STRIP1: variants seen among roughly 807,000 people sequenced by gnomAD.
The protein encoded by STRIP1 is striatin interacting protein 1.
Under a neutral mutation model 106.2 loss-of-function variants are expected in STRIP1, and 63 were observed. The ratio of observed to expected loss-of-function variants is 0.59; its 90% CI spans 0.48 to 0.73. The LOEUF is 0.73. Ranked by LOEUF, STRIP1 falls within the 30% of genes least tolerant of loss-of-function variation. The probability of loss-of-function intolerance (pLI) is 0.00; values close to 1 mark genes in which losing one functional copy is unlikely to be tolerated. For synonymous variants in STRIP1, 390 were observed against 413.0 expected (o/e 0.94, Z 0.67); for missense variants, 857 against 1,074.8 (o/e 0.80, Z 2.83).
At position 110,054,148 on chromosome 1, in the gene STRIP1, C is replaced by T. The variant is rs932008987; in HGVS notation, c.*236C>T. 1.9e-6 allele frequency: 1 copy of T among 534,910 alleles called. No homozygotes were observed. Among genetic ancestry groups the T allele is most frequent in the Non-Finnish European group, 3.4e-6 (1 of 297,482 alleles). 33.1% of individuals were successfully genotyped at this position (534,910 alleles called of 1,614,324 possible). On this transcript the variant is annotated 3_prime_UTR_variant, in exon 21 of 21. Coordinates refer to ENST00000369795, the MANE Select transcript of STRIP1 (RefSeq NM_033088.4). ...GAGATCCATTCTTCCTTTACTTCCC[C>T]CACCCTCCTCTCTTGGATATGGTTG... is the stretch of plus-strand genomic sequence containing the variant.
At position 110,047,879 on chromosome 1, in the gene STRIP1, A is replaced by G. The variant is rs1317556561; in HGVS notation, c.1661+10A>G. ...TGCCTGAGGAGATGCCGTGAGTATC[A>G]TTCTGTGAATGAAGCAGGTGGGGCA... On this transcript the variant is annotated intron_variant, in intron 15 of 20. Coordinates refer to ENST00000369795, the MANE Select transcript of STRIP1 (RefSeq NM_033088.4). 3 of 1,549,868 alleles carry G rather than the reference A, an allele frequency of 1.9e-6. No homozygotes were observed. The highest frequency in any genetic ancestry group is 1.7e-6 in the Non-Finnish European group (2 of 1,143,868).
At chr1:110,041,460 A>G (rs181232334) in intron 6 of STRIP1, 76 bp from the exon 7 acceptor site, 616 of 995,804 alleles carry the variant, frequency 6.2e-4, no homozygotes, top group Non-Finnish European at 8.2e-4. Context: ...TGCTTTGTGT[A>G]AGCACTTTGT....
chr1:110,036,974 C>T (rs1228123266), intron 1 of STRIP1, among the ~76,000 whole-genome samples: 1 of 152,032 alleles, frequency 6.6e-6, no homozygotes, highest in Non-Finnish European at 1.5e-5. Context: ...CAGGCACGCC[C>T]CACCATGTAA....
chr1:110,034,501 T>G, upstream of STRIP1: 2 of 975,626 alleles, frequency 2.0e-6, no homozygotes, highest in Non-Finnish European at 2.8e-6. Flanking sequence ...TCGCGAGGTA[T>G]TGGTCAGCCA....
chr1:110,041,853 A>G lies in STRIP1; in HGVS notation c.877A>G (p.Thr293Ala). The change falls in exon 8 of 21, where the codon ACA becomes GCA. Residue 293 changes from threonine (T) to alanine (A), a missense_variant. Coordinates refer to ENST00000369795, the MANE Select transcript of STRIP1 (RefSeq NM_033088.4). ...GAAAGTTCTCTTGCTGCTCTGGAAGACAGTATTGGTGAGCACCTCCTTGGA... is the reference window on the plus strand; with the variant it reads ...GAAAGTTCTCTTGCTGCTCTGGAAGGCAGTATTGGTGAGCACCTCCTTGGA... ...MKKVLLLLWK[T>A]VLCTLGGFEE... 1.9e-6 allele frequency: 3 copies of G among 1,614,170 alleles called. No homozygotes were observed. In the South Asian group the frequency reaches 3.3e-5, roughly 18 times the overall value.
intron 1 of STRIP1, among the ~76,000 whole-genome samples, chr1:110,035,742 A>G (rs560549622): frequency 6.6e-6 from 1 of 152,286 alleles, no homozygotes; most frequent in Admixed American, 6.5e-5. Flanking sequence ...ATGAGAGGGA[A>G]TTCCTAGTTG....
intron 12 of STRIP1, chr1:110,045,470 C>T (rs1196053279): frequency 2.1e-5 from 3 of 144,592 alleles, no homozygotes; most frequent in Non-Finnish European, 4.3e-5. Context: ...GAGTGAGACC[C>T]GGATTCTTTA....
Position 110,051,726 on chromosome 1 carries a change from T to G in STRIP1, c.2105T>G (p.Leu702Arg). Reference sequence around the variant, plus strand: ...TCAGCCCCCATCTTGAAGCGGGCCCTAAAGGTGAAACAAGCCATGATGCAG... The same window carrying G: ...TCAGCCCCCATCTTGAAGCGGGCCCGAAAGGTGAAACAAGCCATGATGCAG... ...FKSAPILKRA[L>R]KVKQAMMQLY... Residue 702 changes from leucine (L) to arginine (R), a missense_variant, in exon 20 of 21, where the codon CTA becomes CGA. Coordinates refer to ENST00000369795, the MANE Select transcript of STRIP1 (RefSeq NM_033088.4). 1 of 1,612,674 alleles carries G rather than the reference T, an allele frequency of 6.2e-7. No homozygotes were observed. Among genetic ancestry groups the G allele is most frequent in the Non-Finnish European group, 8.5e-7 (1 of 1,179,602 alleles).
intron 1 of STRIP1, 119 bp downstream of exon 1, chr1:110,034,936 G>C (rs1652368032): frequency 1.0e-6 from 1 of 1,004,008 alleles, no homozygotes; most frequent in Non-Finnish European, 1.4e-6. Context: ...GTCCGGCCGA[G>C]AACTGTCACT....
chr1:110,040,535 C>T (rs973461535), intron 5 of STRIP1, 100 bp from the exon 6 acceptor site: 11 of 1,143,598 alleles, frequency 9.6e-6, no homozygotes, highest in South Asian at 6.1e-5. Context: ...AGTCCAAGCA[C>T]GTATCACAGC....
At chr1:110,046,513 TAAA>T (rs1174785104) in intron 12 of STRIP1, among the ~76,000 whole-genome samples, 164 bp from the exon 13 acceptor site, 1 of 151,882 alleles carries the variant, frequency 6.6e-6, no homozygotes, top group African/African-American at 2.4e-5. Flanking sequence ...AAAATAAAAA[TAAA>T]AAATATCTGG....
chr1:110,043,296 C>A, intron 9 of STRIP1, 26 bp downstream of exon 9: 2 of 1,603,358 alleles, frequency 1.2e-6, no homozygotes, highest in South Asian at 1.1e-5. Flanking sequence ...GTCCCTGTGA[C>A]TCCTGAGGGC....
At chr1:110,044,210 A>G (rs1038660234) in intron 10 of STRIP1, among the ~76,000 whole-genome samples, 2 of 152,264 alleles carry the variant, frequency 1.3e-5, no homozygotes, top group African/African-American at 2.4e-5. Context: ...AAAATGATAG[A>G]TTAAGGAAGA....
chr1:110,053,638 A>T (rs764951118), intron 20 of STRIP1, 27 bp from the exon 21 acceptor site: 1 of 1,612,732 alleles, frequency 6.2e-7, no homozygotes, highest in Non-Finnish European at 8.5e-7. Flanking sequence ...ATGGCTCCTA[A>T]CGGTGTTTCT....
rs1006191086 is a variant in STRIP1, at chr1:110,054,052, G to A, written c.*140G>A. 1.4e-5 allele frequency: 15 copies of A among 1,093,390 alleles called. No homozygotes were observed. In the African/African-American group the frequency reaches 1.9e-4, roughly 14 times the overall value. The allele number at this position is 1,093,390 out of a possible 1,614,324, so 67.7% of individuals were successfully genotyped here. A position where few individuals can be genotyped will look rare whatever the true frequency, so the allele number is the denominator to read the frequency against. ...CACTGTGTCTTCCGCAGTCTGTCCT[G>A]GGCTTGGGTGAGCCCAGCTTGACCT... On this transcript the variant is annotated 3_prime_UTR_variant, in exon 21 of 21. Coordinates refer to ENST00000369795, the MANE Select transcript of STRIP1 (RefSeq NM_033088.4).
chr1:110,034,634 C>T lies in STRIP1; in HGVS notation c.-4C>T, dbSNP rs1386658615. On this transcript the variant is annotated 5_prime_UTR_variant, in exon 1 of 21. Transcript: ENST00000369795. ...AGTTAAGCTGGGGGTGTGGAGCAGC[C>T]AAGATGGAGCCGGCAGTCGGCGGTC... 14 of 1,520,548 alleles carry T rather than the reference C, an allele frequency of 9.2e-6. No individual in the cohort carries two copies. The highest frequency in any genetic ancestry group is 3.7e-5 in the South Asian group (3 of 81,910). 94.2% of individuals were successfully genotyped at this position (1,520,548 alleles called of 1,614,324 possible). A position where few individuals can be genotyped will look rare whatever the true frequency, so the allele number is the denominator to read the frequency against.
At chr1:110,049,654 A>G (rs968923789) in intron 17 of STRIP1, 94 bp downstream of exon 17, 26 of 825,250 alleles carry the variant, frequency 3.2e-5, no homozygotes, top group South Asian at 2.6e-4. Flanking sequence ...TCCAGCACCT[A>G]CGAGCCAGCA....
At chr1:110,050,645 C>G (rs750698620) in intron 18 of STRIP1, among the ~76,000 whole-genome samples, 4 of 152,208 alleles carry the variant, frequency 2.6e-5, no homozygotes, top group Admixed American at 2.6e-4. Context: ...GGCTGCTGAT[C>G]CAGAGCTCAC....
chr1:110,047,057 A>T (rs1184185731), intron 13 of STRIP1, among the ~76,000 whole-genome samples: 1 of 152,030 alleles, frequency 6.6e-6, no homozygotes, highest in Non-Finnish European at 1.5e-5. Flanking sequence ...CAAAAAAAAA[A>T]GTTAGAGGTC....
Sources: allele counts gnomAD v4.1 joint callset (sites outside exome capture counted in the v4.1 genomes callset), GRCh38; gene constraint gnomAD v4.1.1; transcripts MANE v1.5; gene names NCBI Gene and HGNC (gene_info 2026-07-23, HGNC 2026-07-21).